CNBD1: variants seen among roughly 807,000 people sequenced by gnomAD.
CNBD1 encodes the protein cyclic nucleotide binding domain containing 1, also known as cyclic nucleotide-binding domain-containing protein 1.
CNBD1 carries 71 observed loss-of-function variants against 54.4 expected under a neutral mutation model. The ratio of observed to expected loss-of-function variants is 1.30; its 90% CI spans 1.08 to 1.59. The LOEUF (loss-of-function observed/expected upper bound fraction) is 1.59, where lower values mean the gene tolerates loss of function less well. CNBD1 is among the 40% of genes most tolerant of loss of function. The pLI is 0.00. For missense variants in CNBD1, 659 were observed against 518.0 expected (o/e 1.27, Z -2.64); for synonymous variants, 182 against 170.7 (o/e 1.07, Z -0.51).
chr8:87,291,592 C>T (rs796745706), intron 8 of CNBD1, among the ~76,000 whole-genome samples: 9 of 152,008 alleles, frequency 5.9e-5, no homozygotes, highest in East Asian at 1.9e-4. Flanking sequence ...AGATTTGGTC[C>T]GCGGTCTAAA....
At chr8:87,293,459 T>C (rs572399168) in intron 8 of CNBD1, among the ~76,000 whole-genome samples, 2 of 152,044 alleles carry the variant, frequency 1.3e-5, no homozygotes, top group South Asian at 2.1e-4. Context: ...CAGGAGAATC[T>C]CTTGAACCAG....
At chr8:86,931,119 A>T (rs1171021644) in intron 3 of CNBD1, among the ~76,000 whole-genome samples, 1 of 152,190 alleles carries the variant, frequency 6.6e-6, no homozygotes, top group East Asian at 1.9e-4. Flanking sequence ...GAAAAGAGCA[A>T]AGTCTCCTTA....
chr8:87,209,248 T>G (rs1433491613), intron 5 of CNBD1, among the ~76,000 whole-genome samples: 1 of 152,050 alleles, frequency 6.6e-6, no homozygotes, highest in African/African-American at 2.4e-5. Flanking sequence ...AAAAATTGAA[T>G]AGGAGGGTAT....
chr8:86,920,688 A>G (rs1809256859), intron 3 of CNBD1, among the ~76,000 whole-genome samples: 1 of 152,186 alleles, frequency 6.6e-6, no homozygotes, highest in Non-Finnish European at 1.5e-5. Context: ...TGCCAGTCAT[A>G]CCAAAAGCTG....
intron 4 of CNBD1, among the ~76,000 whole-genome samples, chr8:87,145,474 G>C (rs576640621): frequency 6.6e-6 from 1 of 151,990 alleles, no homozygotes; most frequent in Non-Finnish European, 1.5e-5. Flanking sequence ...CCAGGTTTGA[G>C]ATACAAAATA....
intron 5 of CNBD1, among the ~76,000 whole-genome samples, chr8:87,214,184 A>G (rs937763285): frequency 6.6e-6 from 1 of 152,094 alleles, no homozygotes; most frequent in Non-Finnish European, 1.5e-5. Context: ...CAGAATGCAA[A>G]TTTTTTGAAT....
rs1370127646 is a variant in CNBD1, at chr8:86,976,178, T to C, written c.431+36424T>C. ...ATATTTTCTCTCAGTCTGTGGGTTGTGCATTGACCTTTTTTTTTTTTTTTT... is the reference window on the plus strand; with the variant it reads ...ATATTTTCTCTCAGTCTGTGGGTTGCGCATTGACCTTTTTTTTTTTTTTTT... On this transcript the variant is annotated intron_variant, in intron 4 of 10. Transcript: ENST00000518476. 3.7e-5 allele frequency among the ~76,000 whole-genome samples: 5 copies of C among 136,328 alleles called. No individual in the cohort carries two copies. In the East Asian group the frequency reaches 6.7e-4, roughly 18 times the overall value. The allele number at this position is 136,328 out of a possible 152,430, so 89.4% of individuals were successfully genotyped here.
intron 3 of CNBD1, among the ~76,000 whole-genome samples, chr8:86,936,321 T>C (rs974918556): frequency 1.1e-4 from 17 of 152,152 alleles, no homozygotes; most frequent in African/African-American, 4.1e-4. Context: ...ATTATAAAAT[T>C]AAAAACTCCT....
At chr8:86,953,808 AG>A (rs1217734067) in intron 4 of CNBD1, among the ~76,000 whole-genome samples, 1 of 151,832 alleles carries the variant, frequency 6.6e-6, no homozygotes, top group Non-Finnish European at 1.5e-5. Flanking sequence ...TGGAGGTTGC[AG>A]TGAGCCAAGA....
At chr8:86,895,123 CA>C (rs1246798295) in intron 2 of CNBD1, among the ~76,000 whole-genome samples, 1 of 152,092 alleles carries the variant, frequency 6.6e-6, no homozygotes, top group East Asian at 1.9e-4. Flanking sequence ...TATTAAGCCC[CA>C]CCTTACAACA....
At chr8:86,874,978 A>T (rs1230583728) in intron 1 of CNBD1, among the ~76,000 whole-genome samples, 2 of 129,724 alleles carry the variant, frequency 1.5e-5, no homozygotes, top group Non-Finnish European at 3.2e-5. Context: ...ATTTGTTTGT[A>T]AATCAATTTA....
At chr8:86,967,256 C>T (rs1267980630) in intron 4 of CNBD1, among the ~76,000 whole-genome samples, 5 of 152,342 alleles carry the variant, frequency 3.3e-5, no homozygotes, top group Admixed American at 1.3e-4. Context: ...GTGGCTGAAG[C>T]CACACCCAGG....
intron 8 of CNBD1, among the ~76,000 whole-genome samples, chr8:87,295,332 C>T (rs912726259): frequency 5.9e-5 from 9 of 151,788 alleles, no homozygotes; most frequent in Non-Finnish European, 1.0e-4. Context: ...AGTTTAATTT[C>T]TTACTCAGAA....
At chr8:87,397,674 C>T (rs897135203) in intron 2 of CNBD1, among the ~76,000 whole-genome samples, 1 of 151,910 alleles carries the variant, frequency 6.6e-6, no homozygotes, top group Non-Finnish European at 1.5e-5. Context: ...GTGGTCATGG[C>T]TTTAATTTTG....
intron 4 of CNBD1, among the ~76,000 whole-genome samples, chr8:87,071,897 A>T (rs112392391): frequency 6.6e-6 from 1 of 151,992 alleles, no homozygotes; most frequent in East Asian, 1.9e-4. Context: ...TCTGTCTAAT[A>T]TTGTCAGTGG....
At chr8:87,026,250 A>G (rs1011239417) in intron 4 of CNBD1, among the ~76,000 whole-genome samples, 1 of 152,060 alleles carries the variant, frequency 6.6e-6, no homozygotes, top group Non-Finnish European at 1.5e-5. Context: ...CAGTAGAGCT[A>G]AAATGGTTGT....
At position 87,354,858 on chromosome 8, in the gene CNBD1, A is replaced by G. The variant is rs187201069; in HGVS notation, c.1303+1072A>G. 6.3e-3 allele frequency among the ~76,000 whole-genome samples: 959 copies of G among 151,808 alleles called. 9 individuals carry two copies. The highest frequency in any genetic ancestry group is 0.022 in the African/African-American group (897 of 41,098). On this transcript the variant is annotated intron_variant, in intron 10 of 10. Transcript: ENST00000518476. Reference sequence around the variant, plus strand: ...TCTTTGCTATTGTGAATAGTGCCGCAATAACATACGTATGCATTTGTCTTT... The same window carrying G: ...TCTTTGCTATTGTGAATAGTGCCGCGATAACATACGTATGCATTTGTCTTT...
intron 4 of CNBD1, among the ~76,000 whole-genome samples, chr8:87,164,673 T>C (rs1812925064): frequency 6.6e-6 from 1 of 151,648 alleles, no homozygotes; most frequent in South Asian, 2.1e-4. Context: ...ATTTGAATCT[T>C]CTTTTTCTTT....
intron 8 of CNBD1, among the ~76,000 whole-genome samples, chr8:87,299,939 T>C (rs1217585747): frequency 6.6e-6 from 1 of 152,162 alleles, no homozygotes; most frequent in Non-Finnish European, 1.5e-5. Context: ...TCTGAAATCA[T>C]ATACTTGAGC....
Sources: gnomAD v4.1 joint callset for allele counts (sites outside exome capture counted in the v4.1 genomes callset) on GRCh38, gnomAD v4.1.1 for gene constraint, MANE v1.5 for transcripts, NCBI Gene and HGNC (gene_info 2026-07-23, HGNC 2026-07-21) for gene names.